Variants in TRPM3 observed in about 807,000 individuals in gnomAD.
TRPM3 encodes the protein long transient receptor potential channel 3.
Under a neutral mutation model 181.2 loss-of-function variants are expected in TRPM3, and 77 were observed. The observed-to-expected ratio is 0.42, with a 90% CI of 0.35 to 0.51. The LOEUF is 0.51. Ranked by LOEUF, TRPM3 falls within the 20% of genes least tolerant of loss-of-function variation. The pLI is 0.01. For missense variants in TRPM3, 1,759 were observed against 2,196.7 expected, an observed-to-expected ratio of 0.80 and a Z score of 3.98; for synonymous variants, 745 against 796.4, an observed-to-expected ratio of 0.94 and a Z score of 1.09.
At position 71,261,134 on chromosome 9, in the gene TRPM3, G is replaced by A. The variant is rs2083024476; in HGVS notation, c.183+185519C>T. On this transcript the variant is annotated intron_variant, in intron 1 of 24. Coordinates refer to the TRPM3 transcript ENST00000357533. Reference sequence around the variant, plus strand: ...GTTCCATTCTCCCCATCACTTTCAAGTAAATCAATCAAACCTATGTTTGGT... The same window carrying A: ...GTTCCATTCTCCCCATCACTTTCAAATAAATCAATCAAACCTATGTTTGGT... Among the ~76,000 whole-genome samples the A allele has an allele frequency of 4.6e-5, 7 of 152,194 alleles. 1 individual carries two copies. In the South Asian group the frequency reaches 1.5e-3, roughly 32 times the overall value.
At chr9:71,219,712 T>C (rs1230081058) in intron 1 of TRPM3, among the ~76,000 whole-genome samples, 1 of 152,204 alleles carries the variant, frequency 6.6e-6, no homozygotes, top group Admixed American at 6.5e-5. Context: ...AACATTAATC[T>C]GGGCGTTCAG....
intron 1 of TRPM3, among the ~76,000 whole-genome samples, chr9:71,193,997 T>C (rs1328291013): frequency 1.3e-5 from 2 of 151,938 alleles, no homozygotes; most frequent in East Asian, 1.9e-4. Context: ...ATATACAAAT[T>C]TTAAAATGAA....
At chr9:70,612,633 G>T (rs1362078848) in intron 18 of TRPM3, among the ~76,000 whole-genome samples, 2 of 152,132 alleles carry the variant, frequency 1.3e-5, no homozygotes, top group Non-Finnish European at 2.9e-5. Context: ...AGTCCCTTGG[G>T]TTAATAAAGT....
intron 1 of TRPM3, among the ~76,000 whole-genome samples, chr9:71,126,678 TTTG>T (rs1190482049): frequency 6.6e-6 from 1 of 152,232 alleles, no homozygotes; most frequent in Non-Finnish European, 1.5e-5. Flanking sequence ...CATGACTCAC[TTTG>T]TTAAGTAGGT....
At chr9:71,016,262 CTG>C in intron 1 of TRPM3, among the ~76,000 whole-genome samples, 1 of 139,370 alleles carries the variant, frequency 7.2e-6, no homozygotes, top group Middle Eastern at 3.5e-3. Flanking sequence ...GTGTGTGTAT[CTG>C]TGTGTGTATA....
intron 12 of TRPM3, among the ~76,000 whole-genome samples, chr9:70,627,338 T>C (rs2064858813): frequency 6.8e-6 from 1 of 147,720 alleles, no homozygotes; most frequent in Admixed American, 7.1e-5. Context: ...AATGGCGTGA[T>C]TTGGGCTCAC....
At chr9:70,582,139 A>T (rs2055949063) in intron 22 of TRPM3, among the ~76,000 whole-genome samples, 1 of 151,466 alleles carries the variant, frequency 6.6e-6, no homozygotes, top group South Asian at 2.1e-4. Context: ...ATCCCCTTTG[A>T]GTCCACTTTC....
intron 1 of TRPM3, among the ~76,000 whole-genome samples, chr9:71,351,664 G>T (rs1246413703): frequency 6.6e-6 from 1 of 152,082 alleles, no homozygotes; most frequent in African/African-American, 2.4e-5. Flanking sequence ...GTTGTGGAAG[G>T]ATATCTGCAG....
chr9:70,908,803 CAG>C (rs1178712148), intron 1 of TRPM3, among the ~76,000 whole-genome samples: 1 of 152,164 alleles, frequency 6.6e-6, no homozygotes, highest in East Asian at 1.9e-4. Flanking sequence ...GAACAGAATA[CAG>C]AGTCCAGAAG....
intron 1 of TRPM3, among the ~76,000 whole-genome samples, chr9:71,136,989 G>A (rs184907491): frequency 6.6e-6 from 1 of 152,210 alleles, no homozygotes; most frequent in African/African-American, 2.4e-5. Context: ...AAATGTAATC[G>A]GAATTGCATT....
At chr9:71,346,062 T>C (rs1261749489) in intron 1 of TRPM3, among the ~76,000 whole-genome samples, 1 of 152,218 alleles carries the variant, frequency 6.6e-6, no homozygotes, top group Non-Finnish European at 1.5e-5. Flanking sequence ...GCATATATTC[T>C]TTAAAAGAAT....
At chr9:70,632,513 G>A (rs945486468) in intron 12 of TRPM3, among the ~76,000 whole-genome samples, 1 of 152,132 alleles carries the variant, frequency 6.6e-6, no homozygotes, top group Non-Finnish European at 1.5e-5. Context: ...TTTTTCCCAA[G>A]GGAAGAAATT....
intron 8 of TRPM3, 139 bp downstream of exon 8, chr9:70,761,462 C>CTGGA (rs2078122413): frequency 8.8e-7 from 1 of 1,137,384 alleles, no homozygotes; most frequent in African/African-American, 1.5e-5. Context: ...GAGGAAGCTA[C>CTGGA]TGGAGCCAAT....
chr9:70,610,680 G>T lies in TRPM3; in HGVS notation c.2596C>A (p.Arg866=). ...KDEEEVQSKH[R]LIPLGRKIYE... ...ATTTTTCTGCCGAGGGGGATTAACC[G>T]GTGCTTGCTCTGAACTTCCTCTTCA... Residue 866 remains arginine (R), a synonymous_variant, in exon 19 of 26, where the codon CGG becomes AGG. Coordinates refer to ENST00000677713, the MANE Select transcript of TRPM3 (RefSeq NM_001366145.2). The T allele has an allele frequency of 6.2e-7, 1 of 1,614,148 alleles. No individual in the cohort carries two copies. The highest frequency in any genetic ancestry group is 1.1e-5 in the South Asian group (1 of 91,078).
chr9:70,900,974 G>A (rs968377347), intron 1 of TRPM3, among the ~76,000 whole-genome samples: 3 of 152,250 alleles, frequency 2.0e-5, no homozygotes, highest in African/African-American at 4.8e-5. Flanking sequence ...CCAGTGGGAT[G>A]TAGAAGGCAA....
At chr9:70,546,508 C>T (rs1045693315) in intron 25 of TRPM3, among the ~76,000 whole-genome samples, 1 of 152,140 alleles carries the variant, frequency 6.6e-6, no homozygotes, top group Non-Finnish European at 1.5e-5. Flanking sequence ...GGACTGAGGC[C>T]TGCCTTGTGG....
intron 8 of TRPM3, among the ~76,000 whole-genome samples, chr9:70,700,830 A>T (rs2072293514): frequency 6.6e-6 from 1 of 152,240 alleles, no homozygotes; most frequent in Non-Finnish European, 1.5e-5. Flanking sequence ...TGGTTTTGTG[A>T]ATCACATGAC....
At chr9:70,840,984 A>G (rs118005809) in intron 5 of TRPM3, among the ~76,000 whole-genome samples, 2,460 of 152,320 alleles carry the variant, frequency 0.016, 31 homozygotes, top group Middle Eastern at 0.068. Context: ...TGAAGCTATG[A>G]ACATTTCAAA....
intron 1 of TRPM3, among the ~76,000 whole-genome samples, chr9:70,905,144 G>T (rs1269053414): frequency 6.6e-6 from 1 of 152,148 alleles, no homozygotes; most frequent in Non-Finnish European, 1.5e-5. Context: ...AATGCAATGT[G>T]GGTCATATTC....
Sources: gnomAD v4.1 joint callset for allele counts (sites outside exome capture counted in the v4.1 genomes callset) on GRCh38, gnomAD v4.1.1 for gene constraint, MANE v1.5 for transcripts, NCBI Gene and HGNC (gene_info 2026-07-23, HGNC 2026-07-21) for gene names.